Variants in RAG1 observed in about 807,000 individuals in gnomAD.
RAG1 encodes V(D)J recombination-activating protein 1.
A neutral mutation model predicts 62.7 loss-of-function variants in RAG1; 35 were observed. That is an observed-to-expected ratio of 0.56 (90% CI 0.43 to 0.74). RAG1 has a LOEUF of 0.74. RAG1 is among the 30% of genes least tolerant of loss of function. RAG1 has a pLI of 0.00. For synonymous variants in RAG1, 461 were observed against 470.3 expected (o/e 0.98, Z 0.26); for missense variants, 1,169 against 1,278.6 (o/e 0.91, Z 1.31).
Position 36,575,090 on chromosome 11 carries a change from G to C in RAG1, c.1786G>C (p.Val596Leu). 6.2e-7 allele frequency: 1 copy of C among 1,614,174 alleles called. No homozygotes were observed. Among genetic ancestry groups the C allele is most frequent in the African/African-American group, 1.3e-5 (1 of 75,058 alleles). Reference sequence around the variant, plus strand: ...TGATTACCTGAATGGCCCCTTCACTGTGGTGGTGAAGGAGTCTTGTGATGG... The same window carrying C: ...TGATTACCTGAATGGCCCCTTCACTCTGGTGGTGAAGGAGTCTTGTGATGG... ...LDDYLNGPFT[V>L]VVKESCDGMG... The change falls in exon 2 of 2, where the codon GTG becomes CTG. Residue 596 changes from valine to leucine, a missense_variant. Coordinates refer to ENST00000299440, the MANE Select transcript of RAG1 (RefSeq NM_000448.3). This position sits in a 1 kb window ranked among gnomAD's most constrained non-coding sequence, Gnocchi z 4.1.
chr11:36,517,423 T>A lies in RAG1; in HGVS notation n.331-2709T>A, dbSNP rs550227834. Among the ~76,000 whole-genome samples the A allele has an allele frequency of 9.2e-5, 14 of 152,310 alleles. No individual in the cohort carries two copies. The East Asian group carries it at 2.7e-3, about 29-fold the overall frequency. On this transcript the variant is annotated intron_variant and non_coding_transcript_variant, in intron 1 of 2. Coordinates refer to the RAG1 transcript ENST00000529126. Reference sequence around the variant, plus strand: ...TTTTGGGGTGGGGGGAATATACAATTTTTTTAGAGCAGAGTCAGCCTACAA... The same window carrying A: ...TTTTGGGGTGGGGGGAATATACAATATTTTTAGAGCAGAGTCAGCCTACAA...
intron 3 of RAG1, among the ~76,000 whole-genome samples, chr11:36,550,894 C>A (rs1850472263): frequency 6.6e-6 from 1 of 152,092 alleles, no homozygotes; most frequent in South Asian, 2.1e-4. Flanking sequence ...ATGTGACTAA[C>A]CCTGGATCCA....
chr11:36,543,018 C>T (rs1039364658), intron 3 of RAG1, among the ~76,000 whole-genome samples: 2 of 152,308 alleles, frequency 1.3e-5, no homozygotes, highest in African/African-American at 4.8e-5. Flanking sequence ...ATCAGTGCCT[C>T]GTTTTCTCTG....
At chr11:36,522,594 C>T (rs1860097456) in intron 2 of RAG1, among the ~76,000 whole-genome samples, 1 of 152,224 alleles carries the variant, frequency 6.6e-6, no homozygotes, top group Non-Finnish European at 1.5e-5. Context: ...AGAGTTCCTA[C>T]TGGGGCTCTG....
At chr11:36,510,722 C>A (rs113165511) in exon 1 of RAG1, 11 of 152,358 alleles carry the variant, frequency 7.2e-5, no homozygotes, top group African/African-American at 2.4e-4. Context: ...ACCTGCTCTT[C>A]CCCTTCATCC....
downstream of RAG1, among the ~76,000 whole-genome samples, chr11:36,539,037 G>A (rs1480119269): frequency 1.3e-5 from 2 of 152,258 alleles, no homozygotes; most frequent in South Asian, 2.1e-4. Flanking sequence ...TGAGACTCTT[G>A]TGGATTGAAT....
intron 2 of RAG1, among the ~76,000 whole-genome samples, chr11:36,532,871 TTTA>T (rs1464627246): frequency 3.3e-5 from 5 of 152,218 alleles, no homozygotes; most frequent in African/African-American, 9.7e-5. Flanking sequence ...ATAGTTCTAT[TTTA>T]TTATTAGTTT....
At chr11:36,519,568 C>G (rs775608703) in intron 1 of RAG1, among the ~76,000 whole-genome samples, 6 of 152,100 alleles carry the variant, frequency 3.9e-5, no homozygotes, top group Non-Finnish European at 7.4e-5. Flanking sequence ...TTATAATGTG[C>G]CAATGAACTT....
At chr11:36,514,486 C>T (rs1859968826) in intron 1 of RAG1, among the ~76,000 whole-genome samples, 1 of 152,152 alleles carries the variant, frequency 6.6e-6, no homozygotes, top group Non-Finnish European at 1.5e-5. Flanking sequence ...GATTCAAGTG[C>T]ATTACATTTA....
In RAG1 at chr11:36,573,541, A is replaced by AT; in HGVS notation, c.239dup (p.Leu80PhefsTer7). The stretch of plus-strand genomic sequence containing the variant: ...GTCAGAAGCCAGTCCCAACTCAGCC[A>AT]TTGTTAAAAGCCCACCCTAAGTTTT... On this transcript the variant is annotated frameshift_variant, in exon 2 of 2. Coordinates refer to ENST00000299440, the MANE Select transcript of RAG1 (RefSeq NM_000448.3). LOFTEE classifies it high-confidence loss of function. The AT allele has an allele frequency of 6.2e-7, 1 of 1,614,194 alleles. No homozygotes were observed. Among genetic ancestry groups the AT allele is most frequent in the South Asian group, 1.1e-5 (1 of 91,086 alleles).
chr11:36,530,167 T>A (rs574083828), intron 2 of RAG1, among the ~76,000 whole-genome samples: 1 of 152,166 alleles, frequency 6.6e-6, no homozygotes, highest in South Asian at 2.1e-4. Context: ...TATACTGATA[T>A]CCCTGTTTCA....
intron 1 of RAG1, among the ~76,000 whole-genome samples, chr11:36,571,587 A>G (rs1188770778): frequency 6.6e-6 from 1 of 152,130 alleles, no homozygotes; most frequent in Non-Finnish European, 1.5e-5. Context: ...CAAGTCTTAG[A>G]AATTTGCTTT....
intron 1 of RAG1, among the ~76,000 whole-genome samples, chr11:36,569,421 T>A (rs1850707102): frequency 6.6e-6 from 1 of 152,204 alleles, no homozygotes; most frequent in Admixed American, 6.5e-5. Context: ...TTGCAAGGTT[T>A]CTGAGTGTCA....
chr11:36,515,707 A>C lies in RAG1; in HGVS notation n.331-4425A>C, dbSNP rs898286750. Reference sequence around the variant, plus strand: ...TGTGGACATGTGGATTTGTGCAGGGAGGCTCCCGGGGAGACTGTACACAGT... The same window carrying C: ...TGTGGACATGTGGATTTGTGCAGGGCGGCTCCCGGGGAGACTGTACACAGT... On this transcript the variant is annotated intron_variant and non_coding_transcript_variant, in intron 1 of 2. Coordinates refer to the RAG1 transcript ENST00000529126. Among the ~76,000 whole-genome samples, 4 of 152,174 alleles carry C rather than the reference A, an allele frequency of 2.6e-5. No homozygotes were observed. In the East Asian group the frequency reaches 7.7e-4, roughly 29 times the overall value.
At position 36,575,876 on chromosome 11, in the gene RAG1, A is replaced by C; in HGVS notation, c.2572A>C (p.Arg858=). 6.2e-7 allele frequency: 1 copy of C among 1,614,214 alleles called. No homozygotes were observed. The highest frequency in any genetic ancestry group is 8.5e-7 in the Non-Finnish European group (1 of 1,180,050). ...PIMRMNGNFA[R]KLMTKETVDA... is the part of the protein sequence containing the mutation. ...CATGAGGATGAATGGCAACTTTGCC[A>C]GGAAGCTCATGACCAAAGAGACTGT... is the stretch of plus-strand genomic sequence containing the variant. The change falls in exon 2 of 2, where the codon AGG becomes CGG. Residue 858 remains arginine (R), a synonymous_variant. Transcript: ENST00000299440. This position sits in a 1 kb window ranked among gnomAD's most constrained non-coding sequence, Gnocchi z 4.1.
intron 1 of RAG1, among the ~76,000 whole-genome samples, 188 bp from the exon 2 acceptor site, chr11:36,573,103 A>C (rs1026262290): frequency 2.0e-5 from 3 of 152,208 alleles, no homozygotes; most frequent in African/African-American, 7.2e-5. Context: ...AAGTAACCAT[A>C]AACACTGTCA....
intron 2 of RAG1, among the ~76,000 whole-genome samples, chr11:36,528,136 A>G (rs1020085735): frequency 8.5e-5 from 13 of 152,204 alleles, no homozygotes; most frequent in Admixed American, 2.0e-4. Flanking sequence ...CTCTGCACCA[A>G]GTGGACCTCA....
chr11:36,531,719 A>G (rs1040781518), intron 2 of RAG1, among the ~76,000 whole-genome samples: 8 of 151,196 alleles, frequency 5.3e-5, no homozygotes, highest in Admixed American at 5.3e-4. Context: ...TTTAGTTACC[A>G]TGTGTTTTTT....
rs568009510 is a variant in RAG1, at chr11:36,545,649, G to T, written c.-412+9615G>T. ...GCCAAATTGCTGTCCATACAAGTTG[G>T]ATCACTTTGTACTTTTTCCAGCTTC... On this transcript the variant is annotated intron_variant and NMD_transcript_variant, in intron 3 of 9. Transcript: ENST00000534663. Among the ~76,000 whole-genome samples, 4 of 152,184 alleles carry T rather than the reference G, an allele frequency of 2.6e-5. No individual in the cohort carries two copies. In the East Asian group the frequency reaches 7.7e-4, roughly 29 times the overall value.
Sources: gnomAD v4.1 joint callset for allele counts (sites outside exome capture counted in the v4.1 genomes callset) on GRCh38, gnomAD v4.1.1 for gene constraint, Gnocchi (gnomAD v3.1) non-coding constraint, MANE v1.5 for transcripts, NCBI Gene and HGNC (gene_info 2026-07-23, HGNC 2026-07-21) for gene names.